INPP5A: variants seen among roughly 807,000 people sequenced by gnomAD.
INPP5A encodes the protein 43 kDa inositol polyphosphate 5-phophatase.
INPP5A carries 14 observed loss-of-function variants against 65.2 expected under a neutral mutation model. The observed-to-expected ratio is 0.21, with a 90% CI of 0.14 to 0.34. INPP5A has a LOEUF of 0.34. Among genes scored for constraint, INPP5A ranks in the 10% least tolerant of loss-of-function variants. The pLI is 1.00. For missense variants in INPP5A, 431 were observed against 545.6 expected (o/e 0.79, Z 2.09); for synonymous variants, 207 against 208.3 (o/e 0.99, Z 0.05).
At chr10:132,713,040 G>A (rs1348343597) in intron 8 of INPP5A, among the ~76,000 whole-genome samples, 1 of 151,774 alleles carries the variant, frequency 6.6e-6, no homozygotes, top group Non-Finnish European at 1.5e-5. Flanking sequence ...GTGTGCGTGT[G>A]TGTGGGTGTG....
intron 11 of INPP5A, among the ~76,000 whole-genome samples, chr10:132,750,624 C>T (rs1387916187): frequency 6.6e-6 from 1 of 152,248 alleles, no homozygotes; most frequent in African/African-American, 2.4e-5. Flanking sequence ...CGCAAAGAAC[C>T]AGGAATCACG....
chr10:132,539,488 G>A (rs1220732075), intron 1 of INPP5A, among the ~76,000 whole-genome samples: 1 of 152,106 alleles, frequency 6.6e-6, no homozygotes, highest in Admixed American at 6.5e-5. Context: ...GGATCCCAGG[G>A]TGCCCCCATC....
intron 12 of INPP5A, among the ~76,000 whole-genome samples, chr10:132,770,623 G>A (rs1846932601): frequency 6.6e-6 from 1 of 152,260 alleles, no homozygotes; most frequent in South Asian, 2.1e-4. Context: ...GAGGACCCTG[G>A]AGCTTTTGTC....
At chr10:132,680,902 G>C (rs984054541) in intron 4 of INPP5A, among the ~76,000 whole-genome samples, 1 of 152,234 alleles carries the variant, frequency 6.6e-6, no homozygotes, top group African/African-American at 2.4e-5. Flanking sequence ...GGCAGGGCTC[G>C]GGACCTGCAG....
rs1370893233 is a variant in INPP5A at position 132,683,911 on chromosome 10, C to T, written c.307-6481C>T. Among the ~76,000 whole-genome samples the T allele has an allele frequency of 3.3e-5, 5 of 152,272 alleles. 1 individual carries two copies. In the East Asian group the frequency reaches 9.6e-4, roughly 29 times the overall value. On this transcript the variant is annotated intron_variant, in intron 4 of 15. Transcript: ENST00000368594. ...TGTATTTTTAGTAGAGATGGGGTTT[C>T]GCCATGTTGGCCAGGCTGGTCTCGA...
At chr10:132,582,064 C>G (rs1434822550) in intron 1 of INPP5A, among the ~76,000 whole-genome samples, 1 of 152,120 alleles carries the variant, frequency 6.6e-6, no homozygotes, top group Non-Finnish European at 1.5e-5. Context: ...TGGTTTCGAT[C>G]TCCTGACCTC....
chr10:132,775,974 TG>T (rs1318210883), intron 12 of INPP5A, among the ~76,000 whole-genome samples: 3 of 150,162 alleles, frequency 2.0e-5, no homozygotes, highest in African/African-American at 7.4e-5. Context: ...CGGGGGGCAG[TG>T]GACGTGTGTG....
In INPP5A at chr10:132,644,236, G is replaced by C. The variant is rs1190079272; in HGVS notation, c.118-1632G>C. Among the ~76,000 whole-genome samples the C allele has an allele frequency of 1.3e-5, 2 of 152,238 alleles. No homozygotes were observed. Among genetic ancestry groups the C allele is most frequent in the East Asian group, 3.9e-4 (2 of 5,194 alleles). On this transcript the variant is annotated intron_variant, in intron 2 of 15. Transcript: ENST00000368594. This position sits in a 1 kb window ranked among gnomAD's most constrained non-coding sequence, Gnocchi z 6.5. ...GGGGAGCCCACGCCCACGCCCAGGA[G>C]GGAGGGGCCCACTCGGTGCATCCAC...
rs564744335 is a variant in INPP5A, at chr10:132,587,463, G to A, written c.76-20452G>A. On this transcript the variant is annotated intron_variant, in intron 1 of 15. Coordinates refer to ENST00000368594, the MANE Select transcript of INPP5A (RefSeq NM_005539.5). The surrounding 1 kb of genome is among the most constrained non-coding windows in gnomAD (Gnocchi z 4.3). The stretch of plus-strand genomic sequence containing the variant: ...GTGATTCGAGGTCAGAAATCATGAC[G>A]GGGAAAGGATGCGGCCATACCAGAC... Among the ~76,000 whole-genome samples, 71 of 152,310 alleles carry A rather than the reference G, an allele frequency of 4.7e-4. No individual in the cohort carries two copies. The East Asian group carries it at 5.6e-3, about 12-fold the overall frequency.
At chr10:132,722,007 A>G (rs1264860624) in intron 8 of INPP5A, among the ~76,000 whole-genome samples, 1 of 152,210 alleles carries the variant, frequency 6.6e-6, no homozygotes, top group Non-Finnish European at 1.5e-5. Context: ...GGATGAGTTT[A>G]TTTAAAGTGG....
chr10:132,585,279 C>T (rs542003238), intron 1 of INPP5A, among the ~76,000 whole-genome samples: 1 of 152,332 alleles, frequency 6.6e-6, no homozygotes, highest in East Asian at 1.9e-4. Flanking sequence ...TATACAAGTA[C>T]AGTAGTCCTC....
chr10:132,595,083 G>A (rs1477322684), intron 1 of INPP5A, among the ~76,000 whole-genome samples: 1 of 152,194 alleles, frequency 6.6e-6, no homozygotes, highest in African/African-American at 2.4e-5. Flanking sequence ...GTTTTTTTCT[G>A]TCTTTTTCCC....
At chr10:132,724,720 C>T (rs566552504) in intron 8 of INPP5A, among the ~76,000 whole-genome samples, 1 of 141,902 alleles carries the variant, frequency 7.0e-6, no homozygotes, top group African/African-American at 2.7e-5. Flanking sequence ...GTTACTCACT[C>T]TCCATAACTC....
intron 8 of INPP5A, among the ~76,000 whole-genome samples, chr10:132,721,279 G>A (rs57503783): frequency 2.8e-3 from 416 of 146,698 alleles, no homozygotes; most frequent in African/African-American, 7.4e-3. Flanking sequence ...GCTGTCTTGC[G>A]GGTTCTGTGG....
At chr10:132,763,805 G>A (rs1213010239) in intron 11 of INPP5A, among the ~76,000 whole-genome samples, 1 of 152,014 alleles carries the variant, frequency 6.6e-6, no homozygotes, top group Non-Finnish European at 1.5e-5. Flanking sequence ...AAACACACAT[G>A]CCTGTACACG....
Position 132,675,046 on chromosome 10 carries a change from T to C in INPP5A, c.307-15346T>C, listed in dbSNP as rs765001806. Among the ~76,000 whole-genome samples, 7 of 152,228 alleles carry C rather than the reference T, an allele frequency of 4.6e-5. No homozygotes were observed. The highest frequency in any genetic ancestry group is 5.9e-5 in the Non-Finnish European group (4 of 68,036). ...GGACCTGTTGCAGAGCCTACTCCTC[T>C]TCTGGACCCCCTCAGTCCTCCATAC... On this transcript the variant is annotated intron_variant, in intron 4 of 15. Coordinates refer to ENST00000368594, the MANE Select transcript of INPP5A (RefSeq NM_005539.5). The surrounding 1 kb of genome is among the most constrained non-coding windows in gnomAD (Gnocchi z 4.2).
chr10:132,757,661 T>C (rs781402267), intron 11 of INPP5A, among the ~76,000 whole-genome samples: 1 of 152,246 alleles, frequency 6.6e-6, no homozygotes, highest in African/African-American at 2.4e-5. Context: ...TTGGTGGCTA[T>C]TGAGGGCTGG....
chr10:132,573,816 T>G (rs2071381736), intron 1 of INPP5A, among the ~76,000 whole-genome samples: 3 of 131,200 alleles, frequency 2.3e-5, no homozygotes, highest in Admixed American at 7.5e-5. Flanking sequence ...GTGTGCCGTG[T>G]GAGGTTTTGT....
chr10:132,697,960 G>C lies in INPP5A; in HGVS notation c.474+41G>C. 1 of 1,323,530 alleles carries C rather than the reference G, an allele frequency of 7.6e-7. No homozygotes were observed. The highest frequency in any genetic ancestry group is 1.4e-5 in the African/African-American group (1 of 69,278). 82.0% of individuals were successfully genotyped at this position (1,323,530 alleles called of 1,614,324 possible). ...TTCTCACTGACGTGTTTACTTCTCA[G>C]AGTGAGCCAGTCAGAAGTGACATGG... On this transcript the variant is annotated intron_variant, in intron 6 of 15. Transcript: ENST00000368594. The surrounding 1 kb of genome is among the most constrained non-coding windows in gnomAD (Gnocchi z 5.6).
Sources: allele counts gnomAD v4.1 joint callset (sites outside exome capture counted in the v4.1 genomes callset), GRCh38; gene constraint gnomAD v4.1.1; non-coding constraint Gnocchi (gnomAD v3.1); transcripts MANE v1.5; gene names NCBI Gene and HGNC (gene_info 2026-07-23, HGNC 2026-07-21).